ARMH3: variants seen among roughly 807,000 people sequenced by gnomAD.
ARMH3 encodes the protein armadillo like helical domain containing 3.
In ARMH3, 60 loss-of-function variants were observed where a neutral mutation model predicts 99.1. The observed-to-expected ratio is 0.61, with a 90% CI of 0.49 to 0.75. ARMH3 has a LOEUF of 0.75. Ranked by LOEUF, ARMH3 falls within the 30% of genes least tolerant of loss-of-function variation. The pLI is 0.00. For missense variants in ARMH3, 679 were observed against 843.1 expected (o/e 0.81, Z 2.41); for synonymous variants, 285 against 292.8 (o/e 0.97, Z 0.27).
At chr10:102,003,301 T>G (rs1460117765) in intron 14 of ARMH3, among the ~76,000 whole-genome samples, 1 of 152,072 alleles carries the variant, frequency 6.6e-6, no homozygotes, top group Non-Finnish European at 1.5e-5. Flanking sequence ...TAGCTTGGAT[T>G]ACAGGCACCC....
At chr10:101,857,562 A>G (rs1199679330) in intron 24 of ARMH3, among the ~76,000 whole-genome samples, 1 of 152,208 alleles carries the variant, frequency 6.6e-6, no homozygotes, top group Non-Finnish European at 1.5e-5. Flanking sequence ...GTAAATACAC[A>G]ATGAAATCTC....
In ARMH3 at chr10:102,007,159, C is replaced by CAAAAAAAAAAAAAAAAAA. The variant is rs10639768; in HGVS notation, c.955-544_955-527dup. On this transcript the variant is annotated intron_variant, in intron 13 of 25. Transcript: ENST00000370033. ...CTGGTGACACAGCAAGACTCTATCT[C>CAAAAAAAAAAAAAAAAAA]AAAAAAAAAAAAAAAAAAAGAAAAA... is the stretch of plus-strand genomic sequence containing the variant. 1.2e-3 allele frequency among the ~76,000 whole-genome samples: 69 copies of CAAAAAAAAAAAAAAAAAA among 59,984 alleles called. 1 individual carries two copies. The highest frequency in any genetic ancestry group is 2.0e-3 in the African/African-American group (28 of 14,160). The allele number at this position is 59,984 out of a possible 152,430, so 39.4% of individuals were successfully genotyped here. A position where few individuals can be genotyped will look rare whatever the true frequency, so the allele number is the denominator to read the frequency against.
At chr10:102,028,315 G>A (rs1346627151) in intron 5 of ARMH3, among the ~76,000 whole-genome samples, 4 of 152,150 alleles carry the variant, frequency 2.6e-5, no homozygotes, top group Non-Finnish European at 4.4e-5. Flanking sequence ...TTGGAAGGCT[G>A]AGGCAGGAGG....
chr10:101,958,684 C>T (rs1045582285), intron 20 of ARMH3, among the ~76,000 whole-genome samples: 5 of 152,054 alleles, frequency 3.3e-5, no homozygotes, highest in Admixed American at 3.3e-4. Context: ...CAAGAAAAGG[C>T]TTGACCTCTC....
At chr10:101,870,373 T>C (rs2067105104) in intron 24 of ARMH3, among the ~76,000 whole-genome samples, 1 of 152,162 alleles carries the variant, frequency 6.6e-6, no homozygotes, top group South Asian at 2.1e-4. Flanking sequence ...AATTAAAATG[T>C]TTTCCACAGA....
chr10:101,914,723 G>C (rs1191899040), intron 23 of ARMH3, among the ~76,000 whole-genome samples: 1 of 150,672 alleles, frequency 6.6e-6, no homozygotes, highest in Non-Finnish European at 1.5e-5. Flanking sequence ...AAAATGAGCT[G>C]GGCATGGTGG....
intron 17 of ARMH3, among the ~76,000 whole-genome samples, chr10:101,992,995 G>A (rs931364078): frequency 9.9e-5 from 15 of 151,974 alleles, no homozygotes; most frequent in Non-Finnish European, 1.9e-4. Flanking sequence ...ATCAGGCCAG[G>A]CGCGGTGGCT....
In ARMH3 at chr10:101,964,943, C is replaced by T. The variant is rs936683805; in HGVS notation, c.1496-7211G>A. ...CAGGAGAATCACTTGAACCCAGAGG[C>T]GGAAGTTGCAGTGAACCAAGATTGC... On this transcript the variant is annotated intron_variant, in intron 20 of 25. Transcript: ENST00000370033. Among the ~76,000 whole-genome samples the T allele has an allele frequency of 5.3e-5, 8 of 151,822 alleles. No individual in the cohort carries two copies. The South Asian group carries it at 1.0e-3, about 20-fold the overall frequency.
chr10:101,890,617 T>C (rs1328712422), intron 23 of ARMH3, among the ~76,000 whole-genome samples: 1 of 152,208 alleles, frequency 6.6e-6, no homozygotes, highest in Non-Finnish European at 1.5e-5. Context: ...AGTTTATTTC[T>C]CATTCCTGAG....
At chr10:102,050,814 G>A (rs1590242845) in intron 1 of ARMH3, among the ~76,000 whole-genome samples, 1 of 146,394 alleles carries the variant, frequency 6.8e-6, no homozygotes, top group Non-Finnish European at 1.5e-5. Context: ...CTGAGATCAC[G>A]CCACTGCACT....
At chr10:101,861,976 G>A (rs949583367) in intron 24 of ARMH3, among the ~76,000 whole-genome samples, 7 of 147,214 alleles carry the variant, frequency 4.8e-5, no homozygotes, top group African/African-American at 1.3e-4. Context: ...GTGAACCTGG[G>A]AGGCGGAGCT....
chr10:101,861,927 G>A (rs1344837163), intron 24 of ARMH3, among the ~76,000 whole-genome samples: 1 of 147,312 alleles, frequency 6.8e-6, no homozygotes, highest in African/African-American at 2.5e-5. Context: ...GTGGGCGCCT[G>A]TAGTCCCAGC....
intron 20 of ARMH3, among the ~76,000 whole-genome samples, chr10:101,958,766 G>C (rs768603387): frequency 5.9e-5 from 9 of 152,106 alleles, no homozygotes; most frequent in Non-Finnish European, 1.2e-4. Context: ...AGTTTTGTGT[G>C]AAGTTTACTA....
chr10:101,960,758 C>T (rs1283725027), intron 20 of ARMH3, among the ~76,000 whole-genome samples: 1 of 151,746 alleles, frequency 6.6e-6, no homozygotes, highest in African/African-American at 2.4e-5. Flanking sequence ...GGCACGGTGG[C>T]GGGCACCTGT....
chr10:101,872,901 C>G (rs542059134), intron 24 of ARMH3, among the ~76,000 whole-genome samples: 21 of 150,538 alleles, frequency 1.4e-4, no homozygotes, highest in African/African-American at 5.1e-4. Context: ...AAGATTGCAG[C>G]GAGCCGAGAT....
In ARMH3 at chr10:102,006,530, G is replaced by A. The variant is rs1247129152; in HGVS notation, c.1048+10C>T. On this transcript the variant is annotated intron_variant, in intron 14 of 25. Transcript: ENST00000370033. ...ATTAACCAAGAAAAACAAAGTGGTG[G>A]TGGGCTCACCATCAGAGGAAGGCGG... is the stretch of plus-strand genomic sequence containing the variant. The A allele has an allele frequency of 1.2e-6, 2 of 1,610,690 alleles. No individual in the cohort carries two copies. The highest frequency in any genetic ancestry group is 2.2e-5 in the East Asian group (1 of 44,868).
At chr10:101,869,140 G>C (rs2067075276) in intron 24 of ARMH3, among the ~76,000 whole-genome samples, 1 of 151,918 alleles carries the variant, frequency 6.6e-6, no homozygotes, top group Admixed American at 6.6e-5. Context: ...TTTTTGAAGA[G>C]TCAAAATATG....
At chr10:101,864,071 A>AC (rs1306631755) in intron 24 of ARMH3, among the ~76,000 whole-genome samples, 11 of 140,708 alleles carry the variant, frequency 7.8e-5, no homozygotes, top group African/African-American at 1.8e-4. Context: ...AAAAAAAAAA[A>AC]AAAAAAAACA....
intron 24 of ARMH3, among the ~76,000 whole-genome samples, chr10:101,876,565 AC>A (rs1329459427): frequency 2.6e-5 from 4 of 152,228 alleles, no homozygotes; most frequent in Admixed American, 1.3e-4. Context: ...CAACAAGATT[AC>A]TATAAAAAGT....
Sources: gnomAD v4.1 joint callset for allele counts (sites outside exome capture counted in the v4.1 genomes callset) on GRCh38, gnomAD v4.1.1 for gene constraint, MANE v1.5 for transcripts, NCBI Gene and HGNC (gene_info 2026-07-23, HGNC 2026-07-21) for gene names.